Variants in RASGRP1 observed in about 807,000 individuals in gnomAD.
RASGRP1 encodes the protein RAS guanyl-releasing protein 1.
A neutral mutation model predicts 95.1 loss-of-function variants in RASGRP1; 37 were observed. The observed-to-expected ratio is 0.39, with a 90% CI of 0.30 to 0.51. RASGRP1 has a LOEUF of 0.51. RASGRP1 is among the 20% of genes least tolerant of loss of function. The probability of loss-of-function intolerance (pLI) is 0.80; values close to 1 mark genes in which losing one functional copy is unlikely to be tolerated. For missense variants in RASGRP1, 711 were observed against 965.4 expected (o/e 0.74, Z 3.49); for synonymous variants, 325 against 353.4 (o/e 0.92, Z 0.90).
At chr15:38,561,020 T>C (rs1304174547) in intron 1 of RASGRP1, among the ~76,000 whole-genome samples, 1 of 152,236 alleles carries the variant, frequency 6.6e-6, no homozygotes, top group Non-Finnish European at 1.5e-5. Flanking sequence ...GGTTTAATAG[T>C]GATGAGTGTT....
chr15:38,512,711 CT>C, intron 7 of RASGRP1, 71 bp downstream of exon 7: 1 of 1,574,252 alleles, frequency 6.4e-7, no homozygotes, highest in Non-Finnish European at 8.7e-7. Context: ...AATTAATAGA[CT>C]AAGCTGGAGG....
intron 2 of RASGRP1, among the ~76,000 whole-genome samples, chr15:38,557,781 G>T (rs1595885821): frequency 6.6e-6 from 1 of 152,102 alleles, no homozygotes; most frequent in Admixed American, 6.6e-5. Context: ...CTTGATAATG[G>T]ATAAAAGACT....
At chr15:38,508,121 A>C in intron 8 of RASGRP1, 120 bp from the exon 9 acceptor site, 1 of 1,143,076 alleles carries the variant, frequency 8.7e-7, no homozygotes, top group Non-Finnish European at 1.2e-6. Context: ...TTTGTTGAGC[A>C]GGGGGTAATT....
At chr15:38,537,469 A>G (rs1595868672) in intron 2 of RASGRP1, among the ~76,000 whole-genome samples, 1 of 152,094 alleles carries the variant, frequency 6.6e-6, no homozygotes, top group East Asian at 1.9e-4. Flanking sequence ...TGATTCTTTG[A>G]TGAGCTGCCA....
intron 15 of RASGRP1, 140 bp downstream of exon 15, chr15:38,498,654 T>C (rs1890892355): frequency 9.7e-7 from 1 of 1,026,156 alleles, no homozygotes; most frequent in East Asian, 2.6e-5. Flanking sequence ...AATCCAAAAC[T>C]GTGGGAGGGG....
intron 2 of RASGRP1, among the ~76,000 whole-genome samples, chr15:38,533,239 A>T (rs960375979): frequency 6.6e-6 from 1 of 152,164 alleles, no homozygotes; most frequent in Non-Finnish European, 1.5e-5. Flanking sequence ...TGGTAATGGG[A>T]AAGCTAGGAT....
chr15:38,545,539 T>A (rs1044489657), intron 2 of RASGRP1, among the ~76,000 whole-genome samples: 3 of 150,694 alleles, frequency 2.0e-5, no homozygotes, highest in Non-Finnish European at 4.4e-5. Flanking sequence ...CCCTGACAGT[T>A]TTTTTTTTTT....
chr15:38,499,002 G>A, intron 14 of RASGRP1, 56 bp from the exon 15 acceptor site: 8 of 1,610,852 alleles, frequency 5.0e-6, no homozygotes, highest in Non-Finnish European at 5.9e-6. Flanking sequence ...CTTCCCCAGT[G>A]TGTCTCACAA....
At chr15:38,524,599 T>C (rs1892129451) in intron 3 of RASGRP1, among the ~76,000 whole-genome samples, 1 of 152,150 alleles carries the variant, frequency 6.6e-6, no homozygotes, top group Non-Finnish European at 1.5e-5. Flanking sequence ...ACTGGTGACA[T>C]CAGAGGAAAG....
At chr15:38,562,339 C>G (rs1893841856) in intron 1 of RASGRP1, among the ~76,000 whole-genome samples, 1 of 152,206 alleles carries the variant, frequency 6.6e-6, no homozygotes, top group African/African-American at 2.4e-5. Flanking sequence ...TTTTCCAAAG[C>G]CCCCTTCTAC....
intron 9 of RASGRP1, 95 bp from the exon 10 acceptor site, chr15:38,506,015 T>C (rs2141100029): frequency 1.0e-6 from 1 of 998,138 alleles, no homozygotes. Flanking sequence ...GCCAGTAGTT[T>C]ACTCTTTTAG....
In RASGRP1 at chr15:38,553,276, G is replaced by A. The variant is rs768592706; in HGVS notation, c.220+6545C>T. 1.6e-4 allele frequency among the ~76,000 whole-genome samples: 25 copies of A among 152,208 alleles called. 1 individual carries two copies. Among genetic ancestry groups the A allele is most frequent in the Non-Finnish European group, 3.5e-4 (24 of 68,036 alleles). ...TGGACAAGTTCTAACATCAGCAGGTGGGCTGCGGCTGGGGCCCGAACTGTA... is the reference window on the plus strand; with the variant it reads ...TGGACAAGTTCTAACATCAGCAGGTAGGCTGCGGCTGGGGCCCGAACTGTA... On this transcript the variant is annotated intron_variant, in intron 2 of 16. Coordinates refer to ENST00000310803, the MANE Select transcript of RASGRP1 (RefSeq NM_005739.4).
At chr15:38,498,345 ATC>A (rs777379305) in intron 15 of RASGRP1, among the ~76,000 whole-genome samples, 18 of 152,166 alleles carry the variant, frequency 1.2e-4, no homozygotes, top group Non-Finnish European at 2.1e-4. Context: ...ACCTTGAGAT[ATC>A]TGTTTTTGAA....
chr15:38,542,119 AG>A (rs1318136220), intron 2 of RASGRP1, among the ~76,000 whole-genome samples: 2 of 152,124 alleles, frequency 1.3e-5, no homozygotes, highest in African/African-American at 4.8e-5. Context: ...ACTTGAACCC[AG>A]GAGTTCAAGT....
chr15:38,503,305 T>C lies in RASGRP1; in HGVS notation c.1395A>G (p.Lys465=). The C allele has an allele frequency of 6.2e-7, 1 of 1,612,820 alleles. No homozygotes were observed. The highest frequency in any genetic ancestry group is 8.5e-7 in the Non-Finnish European group (1 of 1,179,366). The stretch of plus-strand genomic sequence containing the variant: ...TCCTCTGGACGTGTTTGCTAATGGT[T>C]TTTGGATCAGGTTTGGGAGACACTC... ...ASGVSPKPDP[K]TISKHVQRMV... is the part of the protein sequence containing the mutation. Residue 465 remains lysine (K), a synonymous_variant, in exon 11 of 17, where the codon AAA becomes AAG. Transcript: ENST00000310803.
chr15:38,554,524 C>T (rs1893472728), intron 2 of RASGRP1, among the ~76,000 whole-genome samples: 1 of 152,176 alleles, frequency 6.6e-6, no homozygotes, highest in African/African-American at 2.4e-5. Flanking sequence ...GCAACAAACA[C>T]TGCCAAGCAG....
Position 38,559,935 on chromosome 15 carries a change from G to GGAAGGGGCTGTTGGCTGGCTTTGCCTC in RASGRP1, c.79_105dup (p.Glu27_Phe35dup), listed in dbSNP as rs747792583. 7.3e-5 allele frequency: 117 copies of GGAAGGGGCTGTTGGCTGGCTTTGCCTC among 1,613,582 alleles called. 1 individual carries two copies. In the South Asian group the frequency reaches 1.3e-3, roughly 18 times the overall value. On this transcript the variant is annotated inframe_insertion, in exon 2 of 17. Coordinates refer to ENST00000310803, the MANE Select transcript of RASGRP1 (RefSeq NM_005739.4). ...ATGTGGGCCAAGCTGGGATGGGAGG[G>GGAAGGGGCTGTTGGCTGGCTTTGCCTC]GAAGGGGCTGTTGGCTGGCTTTGCC...
At position 38,508,913 on chromosome 15, in the gene RASGRP1, G is replaced by T. The variant is rs574926063; in HGVS notation, c.967-912C>A. Reference sequence around the variant, plus strand: ...AAGGAGTCCTCTCTTATCCTTAGGGGGATACAGTCCAAGACGCCTAATTGA... The same window carrying T: ...AAGGAGTCCTCTCTTATCCTTAGGGTGATACAGTCCAAGACGCCTAATTGA... On this transcript the variant is annotated intron_variant, in intron 8 of 16. Transcript: ENST00000310803. Among the ~76,000 whole-genome samples, 5 of 152,258 alleles carry T rather than the reference G, an allele frequency of 3.3e-5. No individual in the cohort carries two copies. The East Asian group carries it at 9.7e-4, about 29-fold the overall frequency.
intron 2 of RASGRP1, among the ~76,000 whole-genome samples, chr15:38,538,289 A>G (rs1300320960): frequency 6.6e-6 from 1 of 152,182 alleles, no homozygotes; most frequent in Non-Finnish European, 1.5e-5. Flanking sequence ...ACAAAAAAGA[A>G]TGTGCTTCAG....
Sources: gnomAD v4.1 joint callset for allele counts (sites outside exome capture counted in the v4.1 genomes callset) on GRCh38, gnomAD v4.1.1 for gene constraint, MANE v1.5 for transcripts, NCBI Gene and HGNC (gene_info 2026-07-23, HGNC 2026-07-21) for gene names.